The following NUP214 variants were observed in gnomAD, a reference collection of about 807,000 sequenced individuals.
NUP214 encodes nucleoporin 214.
NUP214 carries 79 observed loss-of-function variants against 196.2 expected under a neutral mutation model. That is an observed-to-expected ratio of 0.40 (90% CI 0.34 to 0.49). NUP214 has a LOEUF of 0.49. Among genes scored for constraint, NUP214 ranks in the 20% least tolerant of loss-of-function variants. The probability of loss-of-function intolerance (pLI) is 0.58; values close to 1 mark genes in which losing one functional copy is unlikely to be tolerated. For missense variants in NUP214, 2,468 were observed against 2,539.0 expected (o/e 0.97, Z 0.60); for synonymous variants, 1,020 against 990.5 (o/e 1.03, Z -0.56).
chr9:131,181,162 C>G (rs537313443), intron 24 of NUP214, among the ~76,000 whole-genome samples: 48 of 152,196 alleles, frequency 3.2e-4, no homozygotes, highest in African/African-American at 1.0e-3. Flanking sequence ...AAAGGCCACA[C>G]AGCAGGTCTC....
chr9:131,147,831 C>A (rs143433285), intron 14 of NUP214, among the ~76,000 whole-genome samples: 4 of 152,314 alleles, frequency 2.6e-5, no homozygotes, highest in South Asian at 4.1e-4. Flanking sequence ...ATGTACAGCT[C>A]AGTGAATTGT....
At chr9:131,215,053 G>A (rs1480828962) in intron 30 of NUP214, among the ~76,000 whole-genome samples, 159 bp from the exon 31 acceptor site, 4 of 152,208 alleles carry the variant, frequency 2.6e-5, no homozygotes, top group African/African-American at 9.7e-5. Flanking sequence ...TCCCTGTCCA[G>A]AGTCTAGCTT....
At chr9:131,148,567 A>G (rs1223035597) in intron 14 of NUP214, among the ~76,000 whole-genome samples, 2 of 152,106 alleles carry the variant, frequency 1.3e-5, no homozygotes, top group South Asian at 2.1e-4. Context: ...GCTGCTCCAC[A>G]TACTTGCCAC....
chr9:131,197,177 C>G, intron 28 of NUP214, 39 bp from the exon 29 acceptor site: 1 of 1,599,048 alleles, frequency 6.3e-7, no homozygotes, highest in East Asian at 2.2e-5. Context: ...TCATCTTTTG[C>G]TAAATCCAAC....
chr9:131,225,973 C>T (rs1449480452), intron 32 of NUP214, among the ~76,000 whole-genome samples: 1 of 152,172 alleles, frequency 6.6e-6, no homozygotes, highest in Non-Finnish European at 1.5e-5. Flanking sequence ...CTACACCCTG[C>T]TGTCTCGCTA....
chr9:131,178,275 A>G (rs764288837), intron 23 of NUP214, 36 bp from the exon 24 acceptor site: 2 of 1,519,556 alleles, frequency 1.3e-6, no homozygotes, highest in Non-Finnish European at 1.8e-6. Context: ...CTTTGCTGGA[A>G]TTAATATGGT....
intron 23 of NUP214, among the ~76,000 whole-genome samples, chr9:131,176,885 T>C (rs1194418877): frequency 5.3e-5 from 8 of 150,868 alleles, no homozygotes; most frequent in Admixed American, 5.3e-4. Flanking sequence ...CCTCCACCCC[T>C]GAAACAGTTG....
Position 131,187,307 on chromosome 9 carries a change from C to A in NUP214, c.3438C>A (p.Ser1146=). 6.2e-7 allele frequency: 1 copy of A among 1,613,806 alleles called. No homozygotes were observed. The highest frequency in any genetic ancestry group is 1.1e-5 in the South Asian group (1 of 91,062). Residue 1146 remains serine, a synonymous_variant, in exon 25 of 36, where the codon TCC becomes TCA. Transcript: ENST00000359428. ...STAMGSSVPY[S]TAKTPHPVLT... is the part of the protein sequence containing the mutation. ...TTTTCAGTTCTTCAGTGCCCTACTCCACAGCCAAAACACCTCACCCAGTGT... is the reference window on the plus strand; with the variant it reads ...TTTTCAGTTCTTCAGTGCCCTACTCAACAGCCAAAACACCTCACCCAGTGT...
chr9:131,201,796 G>A (rs1303871570), intron 30 of NUP214, 79 bp downstream of exon 30: 13 of 1,204,106 alleles, frequency 1.1e-5, no homozygotes, highest in African/African-American at 4.5e-5. Flanking sequence ...TAGTCAGTTC[G>A]TGTTGTATAT....
chr9:131,147,416 A>T, intron 13 of NUP214, 74 bp from the exon 14 acceptor site: 2 of 1,126,018 alleles, frequency 1.8e-6, no homozygotes, highest in South Asian at 2.7e-5. Context: ...TTAGATTTGG[A>T]GAAAGGACAT....
At position 131,130,132 on chromosome 9, in the gene NUP214, G is replaced by GTTTTTTTTTTTTTT. The variant is rs1245763919; in HGVS notation, c.593-630_593-629insTTTTTTTTTTTTTT. Reference sequence around the variant, plus strand: ...AATGGGAGCAGGAGAATGATTTCTGGTTTTGTTTTTTTTTTTTTGTTTTTT... The same window carrying GTTTTTTTTTTTTTT: ...AATGGGAGCAGGAGAATGATTTCTGGTTTTTTTTTTTTTTTTTTGTTTTTTTTTTTTTGTTTTTT... On this transcript the variant is annotated intron_variant, in intron 4 of 35. Coordinates refer to ENST00000359428, the MANE Select transcript of NUP214 (RefSeq NM_005085.4). Among the ~76,000 whole-genome samples the GTTTTTTTTTTTTTT allele has an allele frequency of 4.7e-4, 22 of 46,550 alleles. 1 individual carries two copies. Among genetic ancestry groups the GTTTTTTTTTTTTTT allele is most frequent in the Non-Finnish European group, 7.2e-4 (17 of 23,462 alleles). The allele number at this position is 46,550 out of a possible 152,430, so 30.5% of individuals were successfully genotyped here. A position where few individuals can be genotyped will look rare whatever the true frequency, so the allele number is the denominator to read the frequency against.
At chr9:131,225,249 CA>C (rs1264637280) in intron 32 of NUP214, among the ~76,000 whole-genome samples, 7 of 149,992 alleles carry the variant, frequency 4.7e-5, no homozygotes, top group East Asian at 2.0e-4. Flanking sequence ...CCCGTCTCTA[CA>C]AAAAAAAATA....
chr9:131,142,952 TATTTA>T (rs1186602716), intron 11 of NUP214, among the ~76,000 whole-genome samples: 2 of 152,206 alleles, frequency 1.3e-5, no homozygotes, highest in Non-Finnish European at 2.9e-5. Context: ...TTTAGTTGGT[TATTTA>T]ATTTAAAGAT....
At chr9:131,179,411 A>G (rs1418776293) in intron 24 of NUP214, among the ~76,000 whole-genome samples, 6 of 152,190 alleles carry the variant, frequency 3.9e-5, no homozygotes, top group Non-Finnish European at 8.8e-5. Flanking sequence ...TTTGCCCTGC[A>G]TATTTTGTGA....
At chr9:131,200,548 A>G (rs898137231) in intron 29 of NUP214, among the ~76,000 whole-genome samples, 1 of 152,206 alleles carries the variant, frequency 6.6e-6, no homozygotes, top group African/African-American at 2.4e-5. Flanking sequence ...CATCTCTACT[A>G]AAAACACAAA....
At chr9:131,174,406 C>A in intron 22 of NUP214, 88 bp downstream of exon 22, 4 of 1,202,624 alleles carry the variant, frequency 3.3e-6, no homozygotes, top group Non-Finnish European at 4.6e-6. Context: ...TACTGTCACA[C>A]CAATATGGTG....
chr9:131,223,065 G>A (rs954393521), intron 32 of NUP214, 135 bp downstream of exon 32: 13 of 696,038 alleles, frequency 1.9e-5, no homozygotes, highest in Admixed American at 7.2e-5. Flanking sequence ...TGTTTCCTCC[G>A]CATTATTTTT....
chr9:131,193,660 T>TTTTTTTTTTTTTTTTTTTC, intron 27 of NUP214, among the ~76,000 whole-genome samples: 1 of 129,260 alleles, frequency 7.7e-6, no homozygotes, highest in Non-Finnish European at 1.6e-5. Context: ...TTTTTTTTTT[T>TTTTTTTTTTTTTTTTTTTC]TTGGATTTTC....
intron 11 of NUP214, among the ~76,000 whole-genome samples, chr9:131,141,391 C>T (rs907645499): frequency 9.9e-5 from 15 of 151,888 alleles, no homozygotes; most frequent in African/African-American, 3.6e-4. Flanking sequence ...GGTACCTATC[C>T]TCCATGAAAA....
Sources: gnomAD v4.1 joint callset for allele counts (sites outside exome capture counted in the v4.1 genomes callset) on GRCh38, gnomAD v4.1.1 for gene constraint, MANE v1.5 for transcripts, NCBI Gene and HGNC (gene_info 2026-07-23, HGNC 2026-07-21) for gene names.